CMYA5: variants seen among roughly 807,000 people sequenced by gnomAD.
The protein encoded by CMYA5 is cardiomyopathy-associated protein 5.
CMYA5 carries 246 observed loss-of-function variants against 318.9 expected under a neutral mutation model. The observed-to-expected ratio is 0.77, with a 90% confidence interval of 0.70 to 0.86. The LOEUF (loss-of-function observed/expected upper bound fraction) is 0.86. Ranked by LOEUF, CMYA5 falls within the 40% of genes least tolerant of loss-of-function variation. The pLI is 0.00. For missense variants in CMYA5, 4,589 were observed against 4,678.2 expected, an observed-to-expected ratio of 0.98 and a Z score of 0.56; for synonymous variants, 1,641 against 1,729.5, an observed-to-expected ratio of 0.95 and a Z score of 1.27.
At chr5:79,792,712 A>G (rs914108172) in intron 11 of CMYA5, among the ~76,000 whole-genome samples, 8 of 152,262 alleles carry the variant, frequency 5.3e-5, no homozygotes, top group African/African-American at 1.9e-4. Context: ...ATTTCCAAGC[A>G]AAATTGAGCA....
Position 79,737,577 on chromosome 5 carries a change from G to A in CMYA5, c.8812G>A (p.Glu2938Lys). 1 of 1,613,706 alleles carries A rather than the reference G, an allele frequency of 6.2e-7. No individual in the cohort carries two copies. Among genetic ancestry groups the A allele is most frequent in the Non-Finnish European group, 8.5e-7 (1 of 1,179,788 alleles). Residue 2938 changes from glutamate to lysine, a missense_variant, in exon 2 of 13, where the codon GAA (glutamate) becomes AAA (lysine). By Grantham distance (56) the Glu-to-Lys change is moderately conservative (BLOSUM62 1). Around this residue, in one of 3 missense-constraint regions of CMYA5, gnomAD observed 2,431 missense variants for 2,495.1 expected, o/e 0.97. Transcript: ENST00000446378. ...TVTSKPAGLS[E>K]DQKTAFSIIS... ...GACTAGTAAGCCAGCCGGACTTTCA[G>A]AAGATCAGAAGACTGCCTTTAGTAT...
Position 79,731,595 on chromosome 5 carries a change from C to A in CMYA5, c.2830C>A (p.Pro944Thr), listed in dbSNP as rs865777125. Residue 944 changes from proline to threonine, a missense_variant, in exon 2 of 13, where the codon CCT (proline) becomes ACT (threonine). Physicochemically the swap from Pro to Thr is conservative, Grantham distance 38. Transcript: ENST00000446378. ...LSEEDQEDIG[P>T]FSPDSAFVSE... is the part of the protein sequence containing the mutation. ...AGAAGAAGATCAAGAAGACATTGGA[C>A]CTTTTTCTCCAGATTCTGCATTTGT... 3 of 1,613,344 alleles carry A rather than the reference C, an allele frequency of 1.9e-6. No individual in the cohort carries two copies. The highest frequency in any genetic ancestry group is 2.5e-6 in the Non-Finnish European group (3 of 1,179,628).
intron 1 of CMYA5, among the ~76,000 whole-genome samples, chr5:79,727,329 G>A (rs1333768494): frequency 1.3e-5 from 2 of 152,300 alleles, no homozygotes; most frequent in African/African-American, 4.8e-5. Context: ...CTGTGGAGAA[G>A]GGTATGGGGC....
chr5:79,713,449 TCA>T (rs572820773), intron 1 of CMYA5, among the ~76,000 whole-genome samples: 1 of 152,052 alleles, frequency 6.6e-6, no homozygotes, highest in Non-Finnish European at 1.5e-5. Context: ...AACAATGCTG[TCA>T]CACCATAGCT....
intron 1 of CMYA5, among the ~76,000 whole-genome samples, chr5:79,724,534 G>C (rs759703995): frequency 3.3e-5 from 5 of 152,172 alleles, no homozygotes; most frequent in African/African-American, 4.8e-5. Flanking sequence ...TGGAGGAAGT[G>C]AGCTTCCCAA....
chr5:79,731,049 A>G lies in CMYA5; in HGVS notation c.2284A>G (p.Thr762Ala). ...TCTCTCACCATCCACAACCGAAAAG[A>G]CTTCTGAATGCCAGTCACCACTGCC... ...PSLSPSTTEK[T>A]SECQSPLPST... is the part of the protein sequence containing the mutation. The change falls in exon 2 of 13, where the codon ACT (threonine) becomes GCT (alanine). Residue 762 changes from threonine to alanine, a missense_variant. By Grantham distance (58) the Thr-to-Ala change is moderately conservative (BLOSUM62 0). Around this residue, in one of 3 missense-constraint regions of CMYA5, gnomAD observed 2,132 missense variants for 2,131.3 expected, o/e 1.00. Transcript: ENST00000446378. 7 of 1,613,976 alleles carry G rather than the reference A, an allele frequency of 4.3e-6. No individual in the cohort carries two copies. The highest frequency in any genetic ancestry group is 5.9e-6 in the Non-Finnish European group (7 of 1,179,892).
chr5:79,693,603 A>G (rs6871736), intron 1 of CMYA5, among the ~76,000 whole-genome samples: 1 of 152,148 alleles, frequency 6.6e-6, no homozygotes, highest in Non-Finnish European at 1.5e-5. Flanking sequence ...CCAGCCTCCC[A>G]AAATCCTGGG....
chr5:79,702,745 T>G (rs1827197345), intron 1 of CMYA5, among the ~76,000 whole-genome samples: 1 of 152,062 alleles, frequency 6.6e-6, no homozygotes, highest in Non-Finnish European at 1.5e-5. Flanking sequence ...TTTAAAAGGG[T>G]GAATTTTATA....
intron 6 of CMYA5, among the ~76,000 whole-genome samples, chr5:79,756,784 C>G (rs572384066): frequency 4.6e-5 from 7 of 152,058 alleles, no homozygotes; most frequent in African/African-American, 1.7e-4. Context: ...CCTTTGGTGT[C>G]CACTTTTAAT....
intron 1 of CMYA5, among the ~76,000 whole-genome samples, chr5:79,724,691 T>C (rs1827713014): frequency 6.6e-6 from 1 of 152,238 alleles, no homozygotes; most frequent in Admixed American, 6.5e-5. Context: ...GAAAAGCTGA[T>C]ATTTACATAG....
intron 9 of CMYA5, among the ~76,000 whole-genome samples, chr5:79,786,156 G>T (rs984440189): frequency 1.3e-5 from 2 of 152,184 alleles, no homozygotes; most frequent in African/African-American, 4.8e-5. Flanking sequence ...AAGCCTGCTG[G>T]GCACAATGCT....
At position 79,718,034 on chromosome 5, in the gene CMYA5, A is replaced by G. The variant is rs1302473829; in HGVS notation, c.150-10881A>G. Reference sequence around the variant, plus strand: ...CTCCCAAGTAGCTAGGACTACAGGCACCCGCCACTACGCCCGGCTATTTTT... The same window carrying G: ...CTCCCAAGTAGCTAGGACTACAGGCGCCCGCCACTACGCCCGGCTATTTTT... On this transcript the variant is annotated intron_variant, in intron 1 of 12. Transcript: ENST00000446378. Among the ~76,000 whole-genome samples the G allele has an allele frequency of 1.1e-4, 11 of 100,338 alleles. 3 individuals are homozygous for G. Among genetic ancestry groups the G allele is most frequent in the Non-Finnish European group, 1.7e-4 (9 of 52,270 alleles). The allele number at this position is 100,338 out of a possible 152,430, so 65.8% of individuals were successfully genotyped here. A position where few individuals can be genotyped will look rare whatever the true frequency, so the allele number is the denominator to read the frequency against.
At chr5:79,747,603 T>C (rs1227686000) in intron 5 of CMYA5, among the ~76,000 whole-genome samples, 1 of 152,374 alleles carries the variant, frequency 6.6e-6, no homozygotes, top group Admixed American at 6.5e-5. Context: ...GATTTTGTTT[T>C]GTTTTGTTGG....
chr5:79,730,242 A>G lies in CMYA5; in HGVS notation c.1477A>G (p.Ile493Val), dbSNP rs1004794115. The G allele has an allele frequency of 2.2e-5, 36 of 1,613,826 alleles. No homozygotes were observed. The Admixed American group carries it at 2.7e-4, about 12-fold the overall frequency. ...GGAGGAAAACATGCTTGAGCCATCC[A>G]TTTCTCTTTCTGAACCTCTAATGTT... is the stretch of plus-strand genomic sequence containing the variant. ...EKEENMLEPSISLSEPLMLEE... is the reference protein window; with the variant it reads ...EKEENMLEPSVSLSEPLMLEE... The change falls in exon 2 of 13, where the codon ATT becomes GTT. Residue 493 changes from isoleucine (I) to valine (V), a missense_variant. Coordinates refer to ENST00000446378, the MANE Select transcript of CMYA5 (RefSeq NM_153610.5).
Position 79,745,349 on chromosome 5 carries a change from T to C in CMYA5, c.10862T>C (p.Leu3621Pro). 1 of 1,613,872 alleles carries C rather than the reference T, an allele frequency of 6.2e-7. No homozygotes were observed. The highest frequency in any genetic ancestry group is 8.5e-7 in the Non-Finnish European group (1 of 1,179,808). ...EEVKKKKMEF[L>P]HEQMVHFLQS... Reference sequence around the variant, plus strand: ...GTGAAGAAGAAGAAGATGGAGTTCCTGCATGAGCAGATGGTCCACTTTCTG... The same window carrying C: ...GTGAAGAAGAAGAAGATGGAGTTCCCGCATGAGCAGATGGTCCACTTTCTG... Residue 3621 changes from leucine to proline, a missense_variant, in exon 4 of 13, where the codon CTG becomes CCG. Leu to Pro is a moderately conservative substitution (Grantham distance 98). This residue lies in a region of CMYA5 where 2,431 missense variants were observed against 2,495.1 expected (regional missense o/e 0.97). Coordinates refer to ENST00000446378, the MANE Select transcript of CMYA5 (RefSeq NM_153610.5).
chr5:79,707,653 AGTAT>A (rs1827299669), intron 1 of CMYA5, among the ~76,000 whole-genome samples: 1 of 152,248 alleles, frequency 6.6e-6, no homozygotes, highest in Non-Finnish European at 1.5e-5. Context: ...TCATTTGCCT[AGTAT>A]GACACGAGAT....
intron 5 of CMYA5, among the ~76,000 whole-genome samples, chr5:79,752,134 C>A (rs1207214750): frequency 2.0e-5 from 3 of 152,130 alleles, no homozygotes; most frequent in African/African-American, 7.2e-5. Context: ...GAATGATAGG[C>A]TTTATCCTCT....
intron 1 of CMYA5, among the ~76,000 whole-genome samples, chr5:79,700,321 G>A (rs1313720761): frequency 1.3e-5 from 2 of 152,198 alleles, no homozygotes; most frequent in Non-Finnish European, 2.9e-5. Context: ...TAGGTGAGAG[G>A]TGCTGCCTTG....
chr5:79,789,430 T>A (rs1580808177), intron 10 of CMYA5, among the ~76,000 whole-genome samples: 1 of 15,246 alleles, frequency 6.6e-5, no homozygotes, highest in South Asian at 3.3e-3. Context: ...CTCTAGATGA[T>A]TTTTTTTTTT....
Sources: allele counts gnomAD v4.1 joint callset (sites outside exome capture counted in the v4.1 genomes callset), GRCh38; gene constraint gnomAD v4.1.1; regional missense constraint gnomAD v4.1.1; transcripts MANE v1.5; gene names NCBI Gene and HGNC (gene_info 2026-07-23, HGNC 2026-07-21).